Variants in METTL21A observed in about 807,000 individuals in gnomAD.
The protein encoded by METTL21A is methyltransferase 21A, HSPA lysine, also known as protein N-lysine methyltransferase METTL21A.
METTL21A carries 22 observed loss-of-function variants against 20.9 expected under a neutral mutation model. The ratio of observed to expected loss-of-function variants is 1.05; its 90% CI spans 0.75 to 1.50. METTL21A has a LOEUF of 1.50. Ranked by LOEUF, METTL21A falls within the 40% of genes most tolerant of loss-of-function variation. The pLI, the probability that METTL21A is intolerant of heterozygous loss-of-function variation, is 0.00. For missense variants in METTL21A, 271 were observed against 266.8 expected (o/e 1.02, Z -0.11); for synonymous variants, 93 against 102.0 (o/e 0.91, Z 0.53).
downstream of METTL21A, among the ~76,000 whole-genome samples, chr2:207,608,688 T>C (rs555483648): frequency 1.9e-3 from 283 of 152,160 alleles, no homozygotes; most frequent in African/African-American, 6.2e-3. Context: ...TCCCAGCACA[T>C]TGGGAGGCTG....
intron 3 of METTL21A, among the ~76,000 whole-genome samples, chr2:207,583,483 A>G (rs184540607): frequency 5.9e-5 from 9 of 152,360 alleles, no homozygotes; most frequent in Admixed American, 4.6e-4. Flanking sequence ...TACCAGTTAC[A>G]GTGCAGTATT....
chr2:207,625,816 G>A (rs1355441078), upstream of METTL21A: 1 of 152,298 alleles, frequency 6.6e-6, no homozygotes, highest in Non-Finnish European at 1.5e-5. Context: ...TCCGAAGAAG[G>A]CATGGTCACT....
chr2:207,616,776 G>C (rs1396512530), intron 3 of METTL21A, among the ~76,000 whole-genome samples: 1 of 152,024 alleles, frequency 6.6e-6, no homozygotes, highest in African/African-American at 2.4e-5. Flanking sequence ...AACCCGGGAG[G>C]CAGAGGTTGC....
At position 207,584,009 on chromosome 2, in the gene METTL21A, T is replaced by G. The variant is rs570536416; in HGVS notation, c.260-1849A>C. Among the ~76,000 whole-genome samples the G allele has an allele frequency of 9.8e-5, 15 of 152,328 alleles. No homozygotes were observed. The South Asian group carries it at 3.1e-3, about 32-fold the overall frequency. ...TTATTGATTTTGTTGCATGAATCAG[T>G]AGTTGGGACTTATCCCAGATAATTC... On this transcript the variant is annotated intron_variant, in intron 3 of 3. Coordinates refer to the METTL21A transcript ENST00000425132.
intron 2 of METTL21A, among the ~76,000 whole-genome samples, chr2:207,622,503 G>C (rs928866717): frequency 6.6e-6 from 1 of 152,162 alleles, no homozygotes; most frequent in Non-Finnish European, 1.5e-5. Flanking sequence ...TTTTATGCTT[G>C]AAGTTTACAC....
At chr2:207,587,286 G>A (rs995396404) in intron 3 of METTL21A, among the ~76,000 whole-genome samples, 20 of 151,714 alleles carry the variant, frequency 1.3e-4, no homozygotes, top group Admixed American at 5.9e-4. Context: ...CCAGCTACTC[G>A]GGAGGCTGAG....
chr2:207,590,240 T>C (rs1446967286), intron 3 of METTL21A, among the ~76,000 whole-genome samples: 1 of 151,960 alleles, frequency 6.6e-6, no homozygotes. Flanking sequence ...TAGTTTATTA[T>C]TCTTTTACTG....
chr2:207,596,223 T>C (rs999556734), intron 3 of METTL21A, among the ~76,000 whole-genome samples: 9 of 152,344 alleles, frequency 5.9e-5, no homozygotes, highest in African/African-American at 1.9e-4. Flanking sequence ...TTGAAGAGAC[T>C]GTTAGATTTT....
At chr2:207,622,319 C>A (rs1400636998) in intron 2 of METTL21A, among the ~76,000 whole-genome samples, 1 of 152,080 alleles carries the variant, frequency 6.6e-6, no homozygotes, top group Non-Finnish European at 1.5e-5. Flanking sequence ...AGGCGTGCAC[C>A]ACCACACCCA....
exon 2 of METTL21A, chr2:207,624,325 G>A: frequency 6.2e-7 from 1 of 1,613,966 alleles, no homozygotes. Context: ...GAGGCTTGTG[G>A]AATTTCTGCA....
chr2:207,607,797 G>A (rs1403794252), downstream of METTL21A, among the ~76,000 whole-genome samples: 1 of 150,972 alleles, frequency 6.6e-6, no homozygotes, highest in African/African-American at 2.4e-5. Context: ...GGCAATGTGA[G>A]TGAGAATCAA....
chr2:207,581,889 A>G, exon 4 of METTL21A: 1 of 702,968 alleles, frequency 1.4e-6, no homozygotes, highest in Non-Finnish European at 2.6e-6. Flanking sequence ...TAACTTTTGA[A>G]GAGTAGTGAT....
intron 3 of METTL21A, among the ~76,000 whole-genome samples, chr2:207,592,839 G>GGA (rs1053547115): frequency 2.0e-4 from 30 of 150,964 alleles, no homozygotes; most frequent in African/African-American, 7.1e-4. Flanking sequence ...CTTGAACCTG[G>GGA]GAGGTGGAGG....
At chr2:207,603,604 T>G (rs751636806) in intron 3 of METTL21A, among the ~76,000 whole-genome samples, 9 of 152,176 alleles carry the variant, frequency 5.9e-5, no homozygotes, top group Non-Finnish European at 8.8e-5. Flanking sequence ...ATCCCTAATT[T>G]TCAGGACAAA....
intron 3 of METTL21A, among the ~76,000 whole-genome samples, chr2:207,586,528 C>T (rs1185812924): frequency 3.9e-5 from 6 of 152,116 alleles, no homozygotes; most frequent in African/African-American, 1.4e-4. Flanking sequence ...GGCTAAGACT[C>T]CAAAAGCACA....
At chr2:207,587,970 T>C in intron 3 of METTL21A, among the ~76,000 whole-genome samples, 1 of 152,172 alleles carries the variant, frequency 6.6e-6, no homozygotes, top group East Asian at 1.9e-4. Context: ...CCCAACAAAA[T>C]GATAAGTTTG....
At chr2:207,609,578 G>A (rs1260123363), downstream of METTL21A, 1 of 152,116 alleles carries the variant, frequency 6.6e-6, no homozygotes, top group Non-Finnish European at 1.5e-5. Flanking sequence ...GCAATTACAA[G>A]TCCAATACAA....
At chr2:207,583,308 A>G (rs970228048) in intron 3 of METTL21A, among the ~76,000 whole-genome samples, 6 of 152,152 alleles carry the variant, frequency 3.9e-5, no homozygotes, top group Admixed American at 2.0e-4. Context: ...ACACACTAAC[A>G]TATCTGACTC....
chr2:207,590,719 G>A (rs556243658), intron 3 of METTL21A, among the ~76,000 whole-genome samples: 5 of 152,158 alleles, frequency 3.3e-5, no homozygotes, highest in East Asian at 1.9e-4. Flanking sequence ...CAACTCTGCC[G>A]TTGTAATACC....
Sources: allele counts gnomAD v4.1 joint callset (sites outside exome capture counted in the v4.1 genomes callset), GRCh38; gene constraint gnomAD v4.1.1; transcripts MANE v1.5; gene names NCBI Gene and HGNC (gene_info 2026-07-23, HGNC 2026-07-21).